Variants in DLC1 observed in about 807,000 individuals in gnomAD.
The protein encoded by DLC1 is rho GTPase-activating protein 7.
Under a neutral mutation model 140.3 loss-of-function variants are expected in DLC1, and 54 were observed. The observed-to-expected ratio is 0.38, with a 90% CI of 0.31 to 0.48. DLC1 has a LOEUF of 0.48. Among genes scored for constraint, DLC1 ranks in the 20% least tolerant of loss-of-function variants. DLC1 has a pLI of 0.96. For synonymous variants in DLC1, 986 were observed against 728.1 expected, an observed-to-expected ratio of 1.35 and a Z score of -5.70; for missense variants, 2,536 against 1,907.0, an observed-to-expected ratio of 1.33 and a Z score of -6.14.
chr8:13,407,612 G>T (rs1002446103), intron 2 of DLC1, among the ~76,000 whole-genome samples: 3 of 152,168 alleles, frequency 2.0e-5, no homozygotes, highest in Admixed American at 2.0e-4. Context: ...GATTGGTTTG[G>T]CATATATAGC....
intron 5 of DLC1, among the ~76,000 whole-genome samples, chr8:13,184,008 A>T (rs1826196459): frequency 6.6e-6 from 1 of 152,174 alleles, no homozygotes; most frequent in African/African-American, 2.4e-5. Flanking sequence ...TTATTGGTCT[A>T]TTGAGAGATT....
At chr8:13,165,714 C>T (rs1394086145) in intron 5 of DLC1, among the ~76,000 whole-genome samples, 2 of 152,192 alleles carry the variant, frequency 1.3e-5, no homozygotes, top group Non-Finnish European at 2.9e-5. Context: ...GCCTCTACAC[C>T]TTCCTGTATT....
At chr8:13,301,967 G>C (rs1447787357) in intron 5 of DLC1, among the ~76,000 whole-genome samples, 1 of 152,140 alleles carries the variant, frequency 6.6e-6, no homozygotes, top group Non-Finnish European at 1.5e-5. Context: ...GTGCCAAAAA[G>C]GTTGAGGCAT....
At chr8:13,489,829 G>T (rs1314080956) in intron 2 of DLC1, among the ~76,000 whole-genome samples, 2 of 152,116 alleles carry the variant, frequency 1.3e-5, no homozygotes, top group African/African-American at 4.8e-5. Flanking sequence ...GATTCTACTA[G>T]AATTTGCATT....
chr8:13,600,628 A>T (rs947347393), intron 1 of DLC1, among the ~76,000 whole-genome samples: 2 of 151,928 alleles, frequency 1.3e-5, no homozygotes, highest in African/African-American at 4.8e-5. Context: ...ACTCCTGTAC[A>T]TGACTATTTT....
intron 6 of DLC1, among the ~76,000 whole-genome samples, chr8:13,111,494 G>A (rs1024214767): frequency 2.0e-5 from 3 of 152,170 alleles, no homozygotes; most frequent in African/African-American, 7.2e-5. Flanking sequence ...GTTCTCTCGA[G>A]ACAATGAAGA....
At chr8:13,554,132 T>A (rs1803962585) in intron 1 of DLC1, among the ~76,000 whole-genome samples, 1 of 152,114 alleles carries the variant, frequency 6.6e-6, no homozygotes, top group Non-Finnish European at 1.5e-5. Flanking sequence ...AATGGCACAA[T>A]CTCCACTCAC....
rs1219951292 is a variant in DLC1 at position 13,085,307 on chromosome 8, C to T, written c.*504G>A. 6.5e-6 allele frequency: 1 copy of T among 152,730 alleles called. No individual in the cohort carries two copies. The highest frequency in any genetic ancestry group is 1.9e-4 in the East Asian group (1 of 5,192). 9.5% of individuals were successfully genotyped at this position (152,730 alleles called of 1,614,324 possible). On this transcript the variant is annotated 3_prime_UTR_variant, in exon 18 of 18. Coordinates refer to ENST00000276297, the MANE Select transcript of DLC1 (RefSeq NM_182643.3). ...GTCTCAGTGTGCCAGACACTGAATCCACCTTAGACATCTATTGCCATTCAG... is the reference window on the plus strand; with the variant it reads ...GTCTCAGTGTGCCAGACACTGAATCTACCTTAGACATCTATTGCCATTCAG...
Position 13,396,963 on chromosome 8 carries a change from T to A in DLC1, c.1174-3270A>T, listed in dbSNP as rs370406797. Among the ~76,000 whole-genome samples, 144 of 151,338 alleles carry A rather than the reference T, an allele frequency of 9.5e-4. 1 individual carries two copies. Among genetic ancestry groups the A allele is most frequent in the African/African-American group, 3.4e-3 (142 of 41,308 alleles). ...CCGCCCCCCCCAACCCAACTTGCTT[T>A]GTGTAATTAATCCTACAGGCCATCT... On this transcript the variant is annotated intron_variant, in intron 3 of 17. Coordinates refer to ENST00000276297, the MANE Select transcript of DLC1 (RefSeq NM_182643.3).
At chr8:13,250,243 C>A (rs1407325712) in intron 5 of DLC1, among the ~76,000 whole-genome samples, 3 of 152,160 alleles carry the variant, frequency 2.0e-5, no homozygotes, top group Non-Finnish European at 4.4e-5. Context: ...TACTTTTTAA[C>A]CAACATACTG....
At chr8:13,366,523 C>A (rs146387120) in intron 4 of DLC1, among the ~76,000 whole-genome samples, 75 of 152,296 alleles carry the variant, frequency 4.9e-4, no homozygotes, top group Middle Eastern at 3.4e-3. Context: ...AGCCCCACAG[C>A]AAATTAACAG....
chr8:13,402,413 C>T (rs57391369), intron 2 of DLC1, among the ~76,000 whole-genome samples: 3 of 152,186 alleles, frequency 2.0e-5, no homozygotes, highest in Admixed American at 2.0e-4. Context: ...CTTCCAGATT[C>T]CCTGTGTTGT....
At chr8:13,145,113 C>G (rs977099929) in intron 5 of DLC1, among the ~76,000 whole-genome samples, 2 of 152,008 alleles carry the variant, frequency 1.3e-5, no homozygotes, top group Non-Finnish European at 2.9e-5. Flanking sequence ...AGAAATCATA[C>G]TGAAAATTTT....
At chr8:13,251,151 CTCT>C (rs1188971961) in intron 5 of DLC1, among the ~76,000 whole-genome samples, 1 of 152,190 alleles carries the variant, frequency 6.6e-6, no homozygotes, top group Admixed American at 6.5e-5. Flanking sequence ...CTGGCTCTTT[CTCT>C]TCTTGTGAGG....
At chr8:13,399,779 T>A (rs970808432) in intron 3 of DLC1, among the ~76,000 whole-genome samples, 3 of 152,212 alleles carry the variant, frequency 2.0e-5, no homozygotes, top group Non-Finnish European at 4.4e-5. Context: ...AAAGACTATA[T>A]TATTCTTGAT....
chr8:13,185,002 T>G (rs1197488057), intron 5 of DLC1, among the ~76,000 whole-genome samples: 1 of 152,150 alleles, frequency 6.6e-6, no homozygotes, highest in Non-Finnish European at 1.5e-5. Flanking sequence ...TGCATATATA[T>G]TTAGGATAGT....
chr8:13,123,507 A>ATTT lies in DLC1; in HGVS notation c.1349-7853_1349-7851dup, dbSNP rs372704702. Among the ~76,000 whole-genome samples, 1,065 of 139,936 alleles carry ATTT rather than the reference A, an allele frequency of 7.6e-3. 26 individuals carry two copies. The highest frequency in any genetic ancestry group is 0.048 in the Admixed American group (681 of 14,154). The allele number at this position is 139,936 out of a possible 152,430, so 91.8% of individuals were successfully genotyped here. ...AGGCGCCCGCCACCACAATGAGCTA[A>ATTT]TTTTTTTTTTTTTTTTTTTAAGTAA... On this transcript the variant is annotated intron_variant, in intron 5 of 17. Coordinates refer to ENST00000276297, the MANE Select transcript of DLC1 (RefSeq NM_182643.3).
chr8:13,290,531 T>G (rs1483393952), intron 5 of DLC1, among the ~76,000 whole-genome samples: 1 of 152,204 alleles, frequency 6.6e-6, no homozygotes, highest in Non-Finnish European at 1.5e-5. Flanking sequence ...TGAGTGTCCT[T>G]TATGTTCAAG....
intron 3 of DLC1, among the ~76,000 whole-genome samples, chr8:13,397,182 C>T (rs1003786865): frequency 1.3e-5 from 2 of 152,014 alleles, no homozygotes; most frequent in Non-Finnish European, 2.9e-5. Flanking sequence ...GATCTGGAGA[C>T]CACAAGAAAA....
Sources: gnomAD v4.1 joint callset for allele counts (sites outside exome capture counted in the v4.1 genomes callset) on GRCh38, gnomAD v4.1.1 for gene constraint, MANE v1.5 for transcripts, NCBI Gene and HGNC (gene_info 2026-07-23, HGNC 2026-07-21) for gene names.